Variants in LTBP1 observed in about 807,000 individuals in gnomAD.
The protein encoded by LTBP1 is latent-transforming growth factor beta-binding protein 1.
In LTBP1, 129 loss-of-function variants were observed where a neutral mutation model predicts 207.6. That is an observed-to-expected ratio of 0.62 (90% CI 0.54 to 0.72). LTBP1 has a LOEUF of 0.72. Ranked by LOEUF, LTBP1 falls within the 30% of genes least tolerant of loss-of-function variation. The pLI is 0.00. For synonymous variants in LTBP1, 963 were observed against 833.7 expected, an observed-to-expected ratio of 1.16 and a Z score of -2.67; for missense variants, 2,281 against 2,217.2, an observed-to-expected ratio of 1.03 and a Z score of -0.58.
intron 3 of LTBP1, among the ~76,000 whole-genome samples, chr2:33,033,488 G>A (rs561330183): frequency 6.6e-5 from 10 of 152,080 alleles, no homozygotes; most frequent in Admixed American, 2.0e-4. Flanking sequence ...GTGTTCTCAG[G>A]TGTGAACAAT....
At position 32,947,068 on chromosome 2, in the gene LTBP1, T is replaced by TGG; in HGVS notation, c.-257_-256insGG. ...CCTCACCTTGCGCGGCCCGCTCCCC[T>TGG]CGCCCCTCCCCGCTCCCCGGGCTCC... On this transcript the variant is annotated 5_prime_UTR_variant, in exon 1 of 34. Transcript: ENST00000404816. 1 of 291,872 alleles carries TGG rather than the reference T, an allele frequency of 3.4e-6. No homozygotes were observed. Among genetic ancestry groups the TGG allele is most frequent in the Non-Finnish European group, 6.3e-6 (1 of 158,422 alleles). 18.1% of individuals were successfully genotyped at this position (291,872 alleles called of 1,614,324 possible).
chr2:33,231,288 A>T (rs768819932), intron 9 of LTBP1, among the ~76,000 whole-genome samples: 19 of 152,254 alleles, frequency 1.2e-4, no homozygotes, highest in Non-Finnish European at 2.5e-4. Flanking sequence ...GCTTTAATAA[A>T]ATAAATTTAT....
intron 4 of LTBP1, among the ~76,000 whole-genome samples, chr2:33,129,115 T>C (rs538037079): frequency 6.6e-6 from 1 of 152,182 alleles, no homozygotes; most frequent in East Asian, 1.9e-4. Flanking sequence ...CTGGAGCCAA[T>C]GATGGGGAAA....
At chr2:33,141,281 C>T (rs894608516) in intron 5 of LTBP1, among the ~76,000 whole-genome samples, 9 of 152,108 alleles carry the variant, frequency 5.9e-5, no homozygotes, top group African/African-American at 9.7e-5. Flanking sequence ...TGCCAGGGGT[C>T]ACCCGGGTGG....
chr2:33,344,049 C>A (rs1379993399), intron 25 of LTBP1, among the ~76,000 whole-genome samples: 2 of 152,128 alleles, frequency 1.3e-5, no homozygotes, highest in South Asian at 4.1e-4. Flanking sequence ...GACATTAGTT[C>A]ATTTGCCATC....
chr2:33,262,472 A>G (rs866270986), intron 13 of LTBP1, among the ~76,000 whole-genome samples: 2 of 150,822 alleles, frequency 1.3e-5, no homozygotes, highest in Middle Eastern at 3.5e-3. Flanking sequence ...ATGGCTGAAG[A>G]TATGTGCGTG....
At chr2:33,215,596 G>C (rs963541127) in intron 7 of LTBP1, among the ~76,000 whole-genome samples, 6 of 152,102 alleles carry the variant, frequency 3.9e-5, no homozygotes, top group African/African-American at 1.4e-4. Flanking sequence ...AGGCCTGCCA[G>C]GTGACTGGTG....
At position 33,158,594 on chromosome 2, in the gene LTBP1, G is replaced by T. The variant is rs897131212; in HGVS notation, c.1201+23634G>T. On this transcript the variant is annotated intron_variant, in intron 5 of 33. Transcript: ENST00000404816. ...ATAACAGGCTCTTGGATCATGCAAA[G>T]GAAGTAGAGTAATAAAGGACCTATG... 2.3e-4 allele frequency among the ~76,000 whole-genome samples: 33 copies of T among 144,050 alleles called. 2 individuals are homozygous for T. The allele number at this position is 144,050 out of a possible 152,430, so 94.5% of individuals were successfully genotyped here.
rs1194347312 is a variant in LTBP1 at position 33,309,459 on chromosome 2, G to C, written c.3507G>C (p.Lys1169Asn). The change falls in exon 23 of 34, where the codon AAG (lysine) becomes AAC (asparagine). Residue 1169 changes from lysine to asparagine, a missense_variant. Coordinates refer to ENST00000404816, the MANE Select transcript of LTBP1 (RefSeq NM_206943.4). The stretch of plus-strand genomic sequence containing the variant: ...ATATCAATGAATGCTTGGAGGACAA[G>C]AGTGTTTGCCAGAGAGGAGACTGCA... The part of the protein sequence containing the change: ...CEDINECLED[K>N]SVCQRGDCIN... The C allele has an allele frequency of 1.9e-6, 3 of 1,608,290 alleles. No individual in the cohort carries two copies. Among genetic ancestry groups the C allele is most frequent in the East Asian group, 4.5e-5 (2 of 44,600 alleles).
intron 27 of LTBP1, 52 bp from the exon 28 acceptor site, chr2:33,361,377 A>G (rs2094925041): frequency 2.5e-6 from 3 of 1,221,568 alleles, no homozygotes; most frequent in Admixed American, 2.0e-5. Context: ...TGAAACATGC[A>G]TTCATGGAAG....
chr2:33,238,317 C>T (rs182425637), intron 9 of LTBP1, among the ~76,000 whole-genome samples: 29 of 152,264 alleles, frequency 1.9e-4, no homozygotes, highest in African/African-American at 6.0e-4. Context: ...TATAAACTTG[C>T]GTCACTAAGA....
chr2:33,310,638 G>T (rs1280364033), intron 23 of LTBP1, among the ~76,000 whole-genome samples: 9 of 152,078 alleles, frequency 5.9e-5, no homozygotes, highest in Admixed American at 5.2e-4. Flanking sequence ...TCCCTACATT[G>T]CCATACCAAT....
intron 8 of LTBP1, among the ~76,000 whole-genome samples, chr2:33,218,748 C>T (rs1189417489): frequency 6.6e-6 from 1 of 152,118 alleles, no homozygotes; most frequent in Non-Finnish European, 1.5e-5. Flanking sequence ...AGCTTTCTGA[C>T]CCTTATTCAT....
Position 33,188,738 on chromosome 2 carries a change from A to G in LTBP1, c.1588A>G (p.Lys530Glu). ...QVSYQGLPVQKTQTIHSTYSH... is the reference protein window; with the variant it reads ...QVSYQGLPVQETQTIHSTYSH... ...CTCGTACCAAGGGCTTCCTGTCCAGAAGACCCAGACCATACATTCCACATA... is the reference window on the plus strand; with the variant it reads ...CTCGTACCAAGGGCTTCCTGTCCAGGAGACCCAGACCATACATTCCACATA... The change falls in exon 7 of 34, where the codon AAG becomes GAG. Residue 530 changes from lysine to glutamate, a missense_variant. Physicochemically the swap from Lys to Glu is moderately conservative, Grantham distance 56 (BLOSUM62 1). Coordinates refer to ENST00000404816, the MANE Select transcript of LTBP1 (RefSeq NM_206943.4). The G allele has an allele frequency of 6.2e-7, 1 of 1,614,174 alleles. No homozygotes were observed. The highest frequency in any genetic ancestry group is 8.5e-7 in the Non-Finnish European group (1 of 1,180,030).
intron 5 of LTBP1, among the ~76,000 whole-genome samples, chr2:33,141,149 C>T (rs72871236): frequency 0.015 from 2,303 of 152,302 alleles, 61 homozygotes; most frequent in African/African-American, 0.053. Context: ...GTGGCTACAA[C>T]GTGGATGAAC....
chr2:33,362,908 G>T (rs2094942924), intron 28 of LTBP1, among the ~76,000 whole-genome samples: 1 of 152,092 alleles, frequency 6.6e-6, no homozygotes, highest in South Asian at 2.1e-4. Flanking sequence ...TTCTGTGGGG[G>T]AATGGGTCTG....
At chr2:33,055,032 G>A (rs962981577) in intron 3 of LTBP1, among the ~76,000 whole-genome samples, 1 of 152,148 alleles carries the variant, frequency 6.6e-6, no homozygotes, top group African/African-American at 2.4e-5. Context: ...TCCATTTTCT[G>A]TCCTCTCTGA....
At chr2:33,187,365 G>T (rs940609637) in intron 6 of LTBP1, among the ~76,000 whole-genome samples, 1 of 152,166 alleles carries the variant, frequency 6.6e-6, no homozygotes, top group African/African-American at 2.4e-5. Flanking sequence ...GCATGGTACT[G>T]TTCTGACAAG....
intron 2 of LTBP1, among the ~76,000 whole-genome samples, chr2:32,959,621 A>ATATATATTTTTTTTTTTTT (rs1475834284): frequency 1.1e-4 from 4 of 36,666 alleles, no homozygotes; most frequent in Admixed American, 5.3e-4. Flanking sequence ...ATATATATAT[A>ATATATATTTTTTTTTTTTT]TTTTTTTTTT....
Sources: gnomAD v4.1 joint callset for allele counts (sites outside exome capture counted in the v4.1 genomes callset) on GRCh38, gnomAD v4.1.1 for gene constraint, MANE v1.5 for transcripts, NCBI Gene and HGNC (gene_info 2026-07-23, HGNC 2026-07-21) for gene names.